DMD: variants seen among roughly 807,000 people sequenced by gnomAD.
DMD encodes mutant dystrophin.
A neutral mutation model predicts 330.1 loss-of-function variants in DMD; 63 were observed. The observed-to-expected ratio is 0.19, with a 90% CI of 0.16 to 0.24. The LOEUF (loss-of-function observed/expected upper bound fraction) is 0.24. Among genes scored for constraint, DMD ranks in the 10% least tolerant of loss-of-function variants. The pLI, the probability that DMD is intolerant of heterozygous loss-of-function variation, is 1.00. For missense variants in DMD, 3,344 were observed against 2,684.1 expected, an observed-to-expected ratio of 1.25 and a Z score of -5.43; for synonymous variants, 1,223 against 959.8, an observed-to-expected ratio of 1.27 and a Z score of -5.07.
chrX:32,170,033 T>A (rs976932974), intron 44 of DMD, among the ~76,000 whole-genome samples: 1 of 111,991 alleles, frequency 8.9e-6, no homozygotes, highest in African/African-American at 3.2e-5. Flanking sequence ...ATTTTCCACA[T>A]AATCTGTGCT....
At chrX:32,646,924 C>A (rs950367726) in intron 9 of DMD, among the ~76,000 whole-genome samples, 23 of 111,108 alleles carry the variant, frequency 2.1e-4, no homozygotes, top group East Asian at 1.1e-3. Context: ...TTGCATGGAA[C>A]CCTTGTCTAA....
In DMD at chrX:32,486,164, A is replaced by G. The variant is rs757601584; in HGVS notation, c.2623-1065T>C. ...GTTTGTATGATAAAATCACATGAACACTGCTGTACTGTCACTAGCTCATGT... is the reference window on the plus strand; with the variant it reads ...GTTTGTATGATAAAATCACATGAACGCTGCTGTACTGTCACTAGCTCATGT... On this transcript the variant is annotated intron_variant, in intron 20 of 78. Transcript: ENST00000357033. Among the ~76,000 whole-genome samples the G allele has an allele frequency of 2.3e-3, 258 of 111,399 alleles. 1 individual carries two copies. Among genetic ancestry groups the G allele is most frequent in the African/African-American group, 7.6e-3 (232 of 30,717 alleles).
intron 44 of DMD, among the ~76,000 whole-genome samples, chrX:32,117,281 G>T (rs2096614961): frequency 9.1e-6 from 1 of 110,474 alleles, no homozygotes; most frequent in Admixed American, 9.6e-5. Flanking sequence ...TCATCAGAAT[G>T]GGGAACGGAG....
At chrX:33,158,570 C>T (rs1201258105) in intron 1 of DMD, among the ~76,000 whole-genome samples, 3 of 111,790 alleles carry the variant, frequency 2.7e-5, no homozygotes, top group African/African-American at 9.8e-5. Flanking sequence ...ATAATCCTGA[C>T]ACTCTGTTCC....
chrX:31,567,502 T>C (rs114557757), intron 55 of DMD, among the ~76,000 whole-genome samples: 7,747 of 111,274 alleles, frequency 0.07, 243 homozygotes, highest in African/African-American at 0.12. Flanking sequence ...TTTGTTGATA[T>C]GGTAGATTAC....
intron 45 of DMD, among the ~76,000 whole-genome samples, chrX:31,944,363 C>G (rs2150062723): frequency 8.9e-6 from 1 of 112,125 alleles, no homozygotes; most frequent in Admixed American, 9.4e-5. Flanking sequence ...CAAGATCACT[C>G]TTCTCACTAT....
intron 57 of DMD, among the ~76,000 whole-genome samples, chrX:31,481,951 G>C (rs1025404678): frequency 9.0e-6 from 1 of 111,136 alleles, no homozygotes; most frequent in African/African-American, 3.3e-5. Flanking sequence ...TTCAGAATGA[G>C]AGATGGATAG....
chrX:32,244,757 T>C (rs1355254307), intron 43 of DMD, among the ~76,000 whole-genome samples: 1 of 87,057 alleles, frequency 1.1e-5, no homozygotes, highest in African/African-American at 4.2e-5. Flanking sequence ...CATAAATGTC[T>C]TCTTTTGAGA....
Position 32,380,692 on chromosome X carries a change from T to C in DMD, c.4675-12A>G, listed in dbSNP as rs1348615806. 1 of 1,195,024 alleles carries C rather than the reference T, an allele frequency of 8.4e-7. No individual in the cohort carries two copies. Among genetic ancestry groups the C allele is most frequent in the African/African-American group, 1.7e-5 (1 of 57,694 alleles). ...TTTCTTTCTGTTACCTGAAAAGAAT[T>C]ATAATGAAATGTAATTTAGTTTACT... is the stretch of plus-strand genomic sequence containing the variant. On this transcript the variant is annotated splice_polypyrimidine_tract_variant and intron_variant, in intron 33 of 78. Transcript: ENST00000357033.
intron 43 of DMD, among the ~76,000 whole-genome samples, chrX:32,230,303 G>A (rs1036426923): frequency 8.9e-6 from 1 of 112,018 alleles, no homozygotes; most frequent in African/African-American, 3.2e-5. Flanking sequence ...GGAGTGCAGC[G>A]GCGCGATCTC....
At chrX:33,311,133 A>G (rs1383033404) in intron 1 of DMD, among the ~76,000 whole-genome samples, 3 of 110,283 alleles carry the variant, frequency 2.7e-5, no homozygotes, top group Non-Finnish European at 3.8e-5. Context: ...ATATATACAT[A>G]CATACTTCAT....
chrX:32,726,141 G>T (rs759362643), intron 7 of DMD, among the ~76,000 whole-genome samples: 1 of 110,807 alleles, frequency 9.0e-6, no homozygotes, highest in South Asian at 3.8e-4. Context: ...ACTTTCTATG[G>T]AGGCAATGAC....
At chrX:31,385,707 A>G (rs895320738) in intron 60 of DMD, among the ~76,000 whole-genome samples, 1 of 112,341 alleles carries the variant, frequency 8.9e-6, no homozygotes, top group Non-Finnish European at 1.9e-5. Context: ...TAGAATGGCT[A>G]TCATTCAAAA....
chrX:33,089,064 A>AT (rs747108325), intron 1 of DMD, among the ~76,000 whole-genome samples: 5,692 of 86,368 alleles, frequency 0.066, 434 homozygotes, highest in African/African-American at 0.18. Context: ...TACTCAATTC[A>AT]TTTTTTTTTT....
chrX:31,478,487 G>A (rs2067995454), intron 58 of DMD, 113 bp from the exon 59 acceptor site: 1 of 1,004,535 alleles, frequency 1.0e-6, no homozygotes, highest in Non-Finnish European at 1.4e-6. Context: ...GTAACCTACT[G>A]ATTAACGGCT....
chrX:32,270,669 T>C (rs1175665028), intron 43 of DMD, among the ~76,000 whole-genome samples: 2 of 111,506 alleles, frequency 1.8e-5, no homozygotes, highest in Non-Finnish European at 3.8e-5. Flanking sequence ...AACCATCATG[T>C]GTTTCTGCTT....
At chrX:32,466,574 C>A (rs979918459) in intron 23 of DMD, among the ~76,000 whole-genome samples, 2 of 111,077 alleles carry the variant, frequency 1.8e-5, no homozygotes, top group Non-Finnish European at 3.8e-5. Context: ...TATACTGGAT[C>A]ATCCACCAGG....
chrX:33,157,113 G>A (rs1219448306), intron 1 of DMD, among the ~76,000 whole-genome samples: 1 of 111,581 alleles, frequency 9.0e-6, no homozygotes, highest in East Asian at 2.8e-4. Context: ...GGTAGGGTTT[G>A]TAGTTGTTTG....
intron 44 of DMD, among the ~76,000 whole-genome samples, chrX:32,131,310 G>C (rs369500283): frequency 4.4e-5 from 5 of 112,475 alleles, no homozygotes; most frequent in South Asian, 7.4e-4. Context: ...TCAGCACCTA[G>C]AAAAACATTT....
Sources: allele counts gnomAD v4.1 joint callset (sites outside exome capture counted in the v4.1 genomes callset), GRCh38; gene constraint gnomAD v4.1.1; transcripts MANE v1.5; gene names NCBI Gene and HGNC (gene_info 2026-07-23, HGNC 2026-07-21).